The following PCDHA2 variants were observed in gnomAD, a reference collection of about 807,000 sequenced individuals.
The protein encoded by PCDHA2 is protocadherin alpha-2.
Under a neutral mutation model 66.0 loss-of-function variants are expected in PCDHA2, and 58 were observed. The observed-to-expected ratio is 0.88, with a 90% CI of 0.71 to 1.09. PCDHA2 has a LOEUF of 1.09. Ranked by LOEUF, PCDHA2 falls within the 50% of genes least tolerant of loss-of-function variation. The pLI, the probability that PCDHA2 is intolerant of heterozygous loss-of-function variation, is 0.00. For synonymous variants in PCDHA2, 634 were observed against 554.0 expected (o/e 1.14, Z -2.03); for missense variants, 1,267 against 1,242.3 (o/e 1.02, Z -0.30).
chr5:140,924,901 A>AAT (rs145282866), intron 1 of PCDHA2, among the ~76,000 whole-genome samples: 9,116 of 79,802 alleles, frequency 0.11, 381 homozygotes, highest in Middle Eastern at 0.21. Context: ...TCTCAAAAAA[A>AAT]AAAATAAAAT....
At chr5:140,884,344 G>C in intron 1 of PCDHA2, 1 of 1,613,904 alleles carries the variant, frequency 6.2e-7, no homozygotes, top group Non-Finnish European at 8.5e-7. Context: ...CAGAAGCGGC[G>C]CTGGTGGATG....
At chr5:140,915,825 C>T (rs1272581051) in intron 1 of PCDHA2, among the ~76,000 whole-genome samples, 1 of 152,118 alleles carries the variant, frequency 6.6e-6, no homozygotes, top group Non-Finnish European at 1.5e-5. Flanking sequence ...GGCCCTAGGG[C>T]TCTAAGATCA....
At chr5:140,967,690 C>T (rs782694266) in intron 1 of PCDHA2, 1 of 1,614,190 alleles carries the variant, frequency 6.2e-7, no homozygotes, top group Admixed American at 1.7e-5. Flanking sequence ...GGCAGCTCTT[C>T]AGCATAGATG....
At chr5:140,823,022 G>A (rs2150121386) in intron 1 of PCDHA2, 8 of 1,614,116 alleles carry the variant, frequency 5.0e-6, no homozygotes, top group Non-Finnish European at 5.9e-6. Context: ...GACCGCGAGA[G>A]CGTGTCGGTC....
At chr5:140,920,107 C>A (rs1480708499) in intron 1 of PCDHA2, among the ~76,000 whole-genome samples, 1 of 152,300 alleles carries the variant, frequency 6.6e-6, no homozygotes, top group Non-Finnish European at 1.5e-5. Flanking sequence ...GGGAGTGCAA[C>A]CTTGCCAACA....
At position 140,834,719 on chromosome 5, in the gene PCDHA2, G is replaced by A. The variant is rs141120342; in HGVS notation, c.2388+37367G>A. On this transcript the variant is annotated intron_variant, in intron 1 of 3. Coordinates refer to ENST00000526136, the MANE Select transcript of PCDHA2 (RefSeq NM_018905.3). ...TCCACCTGGAGGTGATCGTGGAAAG[G>A]CCGCTGCAGGTTTTCCATGTGGACG... 8.2e-5 allele frequency: 132 copies of A among 1,614,242 alleles called. No homozygotes were observed. In the African/African-American group the frequency reaches 1.7e-3, roughly 21 times the overall value.
intron 1 of PCDHA2, among the ~76,000 whole-genome samples, chr5:140,896,526 A>G (rs1554186988): frequency 6.9e-6 from 1 of 144,852 alleles, no homozygotes; most frequent in African/African-American, 2.5e-5. Context: ...CACAAAGCCC[A>G]GCTATTTTTC....
chr5:140,822,397 C>T (rs113016935), intron 1 of PCDHA2: 2 of 1,613,862 alleles, frequency 1.2e-6, no homozygotes, highest in African/African-American at 2.7e-5. Context: ...ACAAGAACAC[C>T]GTTTATTAGT....
chr5:140,848,211 A>C, intron 1 of PCDHA2: 1 of 353,668 alleles, frequency 2.8e-6, no homozygotes, highest in South Asian at 5.2e-5. Context: ...TCATTACTTA[A>C]GAAAAAATTA....
rs1779768738 is a variant in PCDHA2, at chr5:140,845,237, A to G, written c.2388+47885A>G. On this transcript the variant is annotated intron_variant, in intron 1 of 3. Coordinates refer to ENST00000526136, the MANE Select transcript of PCDHA2 (RefSeq NM_018905.3). ...TTTAAAAAATATGATTATCTTTATT[A>G]TCCTGTTTGAATAATATGTGTTTTC... 2.0e-5 allele frequency among the ~76,000 whole-genome samples: 3 copies of G among 149,564 alleles called. 1 individual carries two copies. The South Asian group carries it at 6.4e-4, about 32-fold the overall frequency.
chr5:140,907,365 G>A (rs782137145), intron 1 of PCDHA2, among the ~76,000 whole-genome samples: 20 of 152,178 alleles, frequency 1.3e-4, no homozygotes, highest in African/African-American at 2.4e-4. Flanking sequence ...TTCTTTAGTC[G>A]TAAAGTGAGT....
At chr5:141,006,216 A>T (rs6897376) in intron 3 of PCDHA2, among the ~76,000 whole-genome samples, 45,154 of 145,800 alleles carry the variant, frequency 0.31, 6,982 homozygotes, top group East Asian at 0.44. Context: ...ATTTTTTTTT[A>T]AATTTTTTAT....
At chr5:140,926,371 G>A (rs1220733947) in intron 1 of PCDHA2, 1 of 152,352 alleles carries the variant, frequency 6.6e-6, no homozygotes, top group East Asian at 1.9e-4. Flanking sequence ...GCGGCAGGAA[G>A]AGCCCAGCTG....
At position 140,822,512 on chromosome 5, in the gene PCDHA2, A is replaced by G. The variant is rs2150116913; in HGVS notation, c.2388+25160A>G. 3 of 1,613,952 alleles carry G rather than the reference A, an allele frequency of 1.9e-6. No individual in the cohort carries two copies. The East Asian group carries it at 6.7e-5, about 36-fold the overall frequency. On this transcript the variant is annotated intron_variant, in intron 1 of 3. Transcript: ENST00000526136. ...GCCCCAGAATTTGATAAATCCATTT[A>G]TAATGTCAGATTGTTGGAAAATGCA...
At position 140,869,199 on chromosome 5, in the gene PCDHA2, C is replaced by G. The variant is rs1315511579; in HGVS notation, c.2388+71847C>G. 8 of 1,613,906 alleles carry G rather than the reference C, an allele frequency of 5.0e-6. No individual in the cohort carries two copies. In the African/African-American group the frequency reaches 1.1e-4, roughly 22 times the overall value. On this transcript the variant is annotated intron_variant, in intron 1 of 3. Coordinates refer to ENST00000526136, the MANE Select transcript of PCDHA2 (RefSeq NM_018905.3). The stretch of plus-strand genomic sequence containing the variant: ...GGGAGGTGGGGAGCGGCCAGCTCCA[C>G]TACTCCGTCTCGGAGGAGGCCAAAC...
chr5:140,897,174 G>C (rs1356780883), intron 1 of PCDHA2, among the ~76,000 whole-genome samples: 1 of 151,818 alleles, frequency 6.6e-6, no homozygotes, highest in Non-Finnish European at 1.5e-5. Context: ...TATCTCCATG[G>C]GTTCAAAAAA....
chr5:140,967,665 C>A, intron 1 of PCDHA2: 1 of 1,614,154 alleles, frequency 6.2e-7, no homozygotes, highest in Non-Finnish European at 8.5e-7. Context: ...AGCAGCTACA[C>A]GTCGGACCGG....
At chr5:140,842,169 G>A (rs2150330880) in intron 1 of PCDHA2, 3 of 1,613,820 alleles carry the variant, frequency 1.9e-6, no homozygotes, top group South Asian at 1.1e-5. Context: ...TCTTTTAATA[G>A]CCTTGTTGAA....
In PCDHA2 at chr5:140,803,111, C is replaced by G. The variant is rs981760111; in HGVS notation, c.2388+5759C>G. The G allele has an allele frequency of 1.9e-6, 3 of 1,613,808 alleles. No individual in the cohort carries two copies. Among genetic ancestry groups the G allele is most frequent in the Admixed American group, 1.7e-5 (1 of 60,028 alleles). ...AGATCAGCACGACCCGTGCCCTGGA[C>G]GAGGTGGACGCCCCGCGCCATCGCC... is the stretch of plus-strand genomic sequence containing the variant. On this transcript the variant is annotated intron_variant, in intron 1 of 3. Transcript: ENST00000526136.
Sources: allele counts gnomAD v4.1 joint callset (sites outside exome capture counted in the v4.1 genomes callset), GRCh38; gene constraint gnomAD v4.1.1; transcripts MANE v1.5; gene names NCBI Gene and HGNC (gene_info 2026-07-23, HGNC 2026-07-21).